The following BTD variants were observed in gnomAD, a reference collection of about 807,000 sequenced individuals.
BTD encodes the protein biocytinase.
Under a neutral mutation model 17.7 loss-of-function variants are expected in BTD, and 13 were observed. That is an observed-to-expected ratio of 0.74 (90% confidence interval 0.48 to 1.17). The LOEUF (loss-of-function observed/expected upper bound fraction) is 1.17. Ranked by LOEUF, BTD falls within the 50% of genes most tolerant of loss-of-function variation. BTD has a pLI of 0.00. For synonymous variants in BTD, 240 were observed against 245.2 expected (o/e 0.98, Z 0.20); for missense variants, 674 against 650.4 (o/e 1.04, Z -0.39).
At chr3:15,719,844 A>C (rs1020747841) in intron 4 of BTD, among the ~76,000 whole-genome samples, 6 of 151,934 alleles carry the variant, frequency 3.9e-5, no homozygotes, top group Admixed American at 2.6e-4. Flanking sequence ...CGTGAGCCAG[A>C]CTGTATCCGG....
At chr3:15,695,763 T>C (rs2069449466) in intron 3 of BTD, among the ~76,000 whole-genome samples, 1 of 152,132 alleles carries the variant, frequency 6.6e-6, no homozygotes, top group Non-Finnish European at 1.5e-5. Flanking sequence ...ATGTGCCTTT[T>C]GGAATTCCCT....
rs544830356 is a variant in BTD, at chr3:15,610,673, A to G, written c.-17+8779A>G. Among the ~76,000 whole-genome samples the G allele has an allele frequency of 7.9e-5, 12 of 152,248 alleles. No homozygotes were observed. In the East Asian group the frequency reaches 2.3e-3, roughly 29 times the overall value. On this transcript the variant is annotated intron_variant, in intron 1 of 3. Transcript: ENST00000643237. ...CACTATCTTAATTTCTGTGTTTTTA[A>G]AATAAGTCTTGATGTTGGTAGGACA...
At chr3:15,676,153 C>G in intron 3 of BTD, 1 of 502,998 alleles carries the variant, frequency 2.0e-6, no homozygotes, top group South Asian at 3.3e-5. Flanking sequence ...GAGAGCAGAA[C>G]CTCTGTGCAG....
In BTD at chr3:15,601,905, G is replaced by A. The variant is rs563797222; in HGVS notation, c.-17+11G>A. The stretch of plus-strand genomic sequence containing the variant: ...GCGCGCTAAGAGCAGGTACGGAGGG[G>A]GCGTGGTGCGGCGCGGAGGGGGTGT... On this transcript the variant is annotated intron_variant, in intron 1 of 3. Coordinates refer to ENST00000643237, the MANE Select transcript of BTD (RefSeq NM_001370658.1). 1.8e-5 allele frequency: 29 copies of A among 1,613,380 alleles called. No individual in the cohort carries two copies. Among genetic ancestry groups the A allele is most frequent in the East Asian group, 1.8e-4 (8 of 44,886 alleles).
chr3:15,680,379 G>A (rs763190856), intron 3 of BTD, among the ~76,000 whole-genome samples: 4 of 151,668 alleles, frequency 2.6e-5, no homozygotes, highest in East Asian at 1.9e-4. Flanking sequence ...AGCTTTTTTC[G>A]TATTTTTAGT....
chr3:15,601,516 T>G, upstream of BTD: 1 of 1,609,164 alleles, frequency 6.2e-7, no homozygotes, highest in South Asian at 1.1e-5. Flanking sequence ...AGCGGAATCA[T>G]CCAGCAAGGC....
At chr3:15,643,892 G>GAAA (rs552609192) in intron 3 of BTD, among the ~76,000 whole-genome samples, 1 of 86,186 alleles carries the variant, frequency 1.2e-5, no homozygotes, top group Non-Finnish European at 2.3e-5. Context: ...CCCTGTCTCT[G>GAAA]AAAAAAAAAA....
intron 3 of BTD, chr3:15,669,081 G>C (rs570459039): frequency 6.6e-6 from 1 of 152,394 alleles, no homozygotes; most frequent in South Asian, 2.1e-4. Context: ...TCTCCAAATA[G>C]TAACAGGTTA....
At chr3:15,632,427 G>A (rs144036565) in intron 1 of BTD, among the ~76,000 whole-genome samples, 13 of 152,214 alleles carry the variant, frequency 8.5e-5, no homozygotes, top group Admixed American at 5.2e-4. Flanking sequence ...TACACCCCAC[G>A]AGCCAAGGCC....
chr3:15,708,205 G>A (rs772689843), intron 3 of BTD: 5 of 942,202 alleles, frequency 5.3e-6, no homozygotes, highest in Non-Finnish European at 7.7e-6. Context: ...AAGTCTTGCG[G>A]AGGACTGGAC....
At chr3:15,628,982 G>C (rs2065137233) in intron 1 of BTD, among the ~76,000 whole-genome samples, 1 of 152,084 alleles carries the variant, frequency 6.6e-6, no homozygotes, top group Admixed American at 6.5e-5. Flanking sequence ...TCCTGCCATA[G>C]CTAAGACAAG....
intron 3 of BTD, among the ~76,000 whole-genome samples, chr3:15,674,961 G>A (rs181494493): frequency 1.3e-5 from 2 of 152,070 alleles, no homozygotes; most frequent in African/African-American, 2.4e-5. Flanking sequence ...CTGACTATAC[G>A]GAAATTAAGA....
chr3:15,609,304 A>G (rs1157201232), intron 1 of BTD, among the ~76,000 whole-genome samples: 2 of 152,170 alleles, frequency 1.3e-5, no homozygotes, highest in Non-Finnish European at 2.9e-5. Context: ...TCCTTTCCCC[A>G]TTACACCTCC....
At position 15,649,025 on chromosome 3, in the gene BTD, AT is replaced by A. The variant is rs1276078777; in HGVS notation, c.*3541del. ...GAAGCATGGCTCTGCCAACACCTTG[AT>A]TTTGGATTTCCAGCTTCCACAACTA... On this transcript the variant is annotated 3_prime_UTR_variant, in exon 4 of 4. Coordinates refer to ENST00000643237, the MANE Select transcript of BTD (RefSeq NM_001370658.1). Among the ~76,000 whole-genome samples the A allele has an allele frequency of 6.6e-6, 1 of 152,194 alleles. No individual in the cohort carries two copies. The highest frequency in any genetic ancestry group is 1.9e-4 in the East Asian group (1 of 5,194).
intron 2 of BTD, 46 bp from the exon 3 acceptor site, chr3:15,641,862 T>A (rs923416479): frequency 7.1e-7 from 1 of 1,404,206 alleles, no homozygotes; most frequent in Non-Finnish European, 1.0e-6. Flanking sequence ...CAGCGGTTCT[T>A]CCTGCCATCT....
chr3:15,655,579 A>G (rs1575038929), downstream of BTD, among the ~76,000 whole-genome samples: 1 of 152,180 alleles, frequency 6.6e-6, no homozygotes, highest in East Asian at 1.9e-4. Context: ...GAGCCCAGAG[A>G]CCAGGCCTGG....
At position 15,635,873 on chromosome 3, in the gene BTD, G is replaced by A. The variant is rs749734638; in HGVS notation, c.249+185G>A. On this transcript the variant is annotated intron_variant, in intron 2 of 3. Coordinates refer to ENST00000643237, the MANE Select transcript of BTD (RefSeq NM_001370658.1). The surrounding 1 kb of genome is among the most constrained non-coding windows in gnomAD (Gnocchi z 4.1). ...CCCCTCAGAGAGTGGTCCGTGGACC[G>A]GCATCCCCTGGGAGCTTGTTAGAAA... Among the ~76,000 whole-genome samples the A allele has an allele frequency of 9.9e-5, 15 of 152,122 alleles. No homozygotes were observed. Among genetic ancestry groups the A allele is most frequent in the Non-Finnish European group, 1.6e-4 (11 of 68,018 alleles).
downstream of BTD, among the ~76,000 whole-genome samples, chr3:15,715,981 CT>C (rs890097708): frequency 6.6e-6 from 1 of 150,750 alleles, no homozygotes; most frequent in East Asian, 1.9e-4. Context: ...TAGCTATGGC[CT>C]TTTTTTTCTC....
At chr3:15,655,270 G>A (rs983743991), downstream of BTD, among the ~76,000 whole-genome samples, 1 of 152,068 alleles carries the variant, frequency 6.6e-6, no homozygotes, top group African/African-American at 2.4e-5. Flanking sequence ...GGAGTTTGAC[G>A]TATGTAAGGA....
Sources: allele counts gnomAD v4.1 joint callset (sites outside exome capture counted in the v4.1 genomes callset), GRCh38; gene constraint gnomAD v4.1.1; non-coding constraint Gnocchi (gnomAD v3.1); transcripts MANE v1.5; gene names NCBI Gene and HGNC (gene_info 2026-07-23, HGNC 2026-07-21).